NECAB1: variants seen among roughly 807,000 people sequenced by gnomAD.
NECAB1 encodes N-terminal EF-hand calcium-binding protein 1.
NECAB1 carries 29 observed loss-of-function variants against 57.5 expected under a neutral mutation model. That is an observed-to-expected ratio of 0.50 (90% CI 0.38 to 0.69). The LOEUF is 0.69. Among genes scored for constraint, NECAB1 ranks in the 30% least tolerant of loss-of-function variants. The pLI, the probability that NECAB1 is intolerant of heterozygous loss-of-function variation, is 0.00. For synonymous variants in NECAB1, 142 were observed against 147.7 expected, an observed-to-expected ratio of 0.96 and a Z score of 0.28; for missense variants, 372 against 413.8, an observed-to-expected ratio of 0.90 and a Z score of 0.88.
chr8:90,824,615 CG>C (rs1307206223), intron 2 of NECAB1, 101 bp from the exon 3 acceptor site: 1 of 625,050 alleles, frequency 1.6e-6, no homozygotes, highest in Non-Finnish European at 2.7e-6. Flanking sequence ...TTTGAGTACA[CG>C]TGTGTACATG....
intron 6 of NECAB1, among the ~76,000 whole-genome samples, chr8:90,920,185 A>G (rs760289537): frequency 3.3e-5 from 5 of 152,204 alleles, no homozygotes; most frequent in Non-Finnish European, 2.9e-5. Flanking sequence ...GTTGTATGGC[A>G]TTTGACTAAG....
intron 2 of NECAB1, among the ~76,000 whole-genome samples, chr8:90,813,959 T>C (rs1471782581): frequency 6.6e-6 from 1 of 152,250 alleles, no homozygotes; most frequent in African/African-American, 2.4e-5. Context: ...TCTATGTTGA[T>C]AAATTATTTG....
chr8:90,904,721 T>C (rs1404839391), intron 5 of NECAB1, among the ~76,000 whole-genome samples: 1 of 152,070 alleles, frequency 6.6e-6, no homozygotes, highest in East Asian at 1.9e-4. Context: ...AAATTGTATA[T>C]CTATAAACCA....
At chr8:90,840,732 A>G (rs777602441) in intron 3 of NECAB1, among the ~76,000 whole-genome samples, 4 of 152,178 alleles carry the variant, frequency 2.6e-5, no homozygotes, top group Non-Finnish European at 4.4e-5. Flanking sequence ...GTGCAGAACC[A>G]CATAACGCAC....
At chr8:90,811,035 C>T (rs1442340758) in intron 2 of NECAB1, among the ~76,000 whole-genome samples, 2 of 151,826 alleles carry the variant, frequency 1.3e-5, no homozygotes, top group Non-Finnish European at 2.9e-5. Context: ...GCAACCTCCA[C>T]CTCCCAGGTT....
intron 3 of NECAB1, among the ~76,000 whole-genome samples, chr8:90,856,953 C>G (rs1812806050): frequency 1.3e-5 from 2 of 152,290 alleles, no homozygotes; most frequent in South Asian, 4.1e-4. Context: ...CTCTAAAGGT[C>G]TTAAAAGTAG....
At chr8:90,856,944 T>C (rs774987265) in intron 3 of NECAB1, among the ~76,000 whole-genome samples, 2 of 152,162 alleles carry the variant, frequency 1.3e-5, no homozygotes, top group Non-Finnish European at 2.9e-5. Context: ...TTGTCTAATC[T>C]CTAAAGGTCT....
At chr8:90,828,030 C>G (rs940200012) in intron 3 of NECAB1, among the ~76,000 whole-genome samples, 14 of 151,788 alleles carry the variant, frequency 9.2e-5, no homozygotes, top group African/African-American at 3.4e-4. Context: ...TCTAACTCTA[C>G]TGGTTTTTCT....
intron 6 of NECAB1, 59 bp downstream of exon 6, chr8:90,917,687 A>G (rs990327292): frequency 6.7e-7 from 1 of 1,488,200 alleles, no homozygotes; most frequent in Non-Finnish European, 9.0e-7. Context: ...TGAAAAAACA[A>G]TTGAGAGGCA....
intron 10 of NECAB1, 34 bp downstream of exon 10, chr8:90,940,932 G>C: frequency 6.8e-7 from 1 of 1,479,166 alleles, no homozygotes; most frequent in South Asian, 1.2e-5. Context: ...TTAGGCCTTT[G>C]GCAGCCTGGG....
intron 10 of NECAB1, among the ~76,000 whole-genome samples, chr8:90,948,547 T>TCC (rs1810858660): frequency 1.3e-5 from 2 of 152,222 alleles, no homozygotes; most frequent in Admixed American, 6.5e-5. Context: ...ACTGTTAAGT[T>TCC]TACTGGTAAG....
At chr8:90,916,847 CT>C (rs1271349698) in intron 5 of NECAB1, among the ~76,000 whole-genome samples, 1 of 152,150 alleles carries the variant, frequency 6.6e-6, no homozygotes, top group African/African-American at 2.4e-5. Flanking sequence ...GTGAATGCTG[CT>C]TTTGTGGCTC....
chr8:90,821,035 CTTG>C (rs1193860896), intron 2 of NECAB1, among the ~76,000 whole-genome samples: 3 of 151,756 alleles, frequency 2.0e-5, no homozygotes, highest in Non-Finnish European at 2.9e-5. Flanking sequence ...CCTTTTCTTC[CTTG>C]TTGTAGGCAT....
intron 1 of NECAB1, among the ~76,000 whole-genome samples, chr8:90,798,443 C>T (rs1463366770): frequency 2.0e-5 from 3 of 152,120 alleles, no homozygotes; most frequent in Non-Finnish European, 4.4e-5. Context: ...AACTCTTCTC[C>T]CCAACCTCCC....
intron 2 of NECAB1, among the ~76,000 whole-genome samples, chr8:90,821,590 C>G (rs1812144700): frequency 1.3e-5 from 2 of 151,822 alleles, no homozygotes; most frequent in Non-Finnish European, 2.9e-5. Flanking sequence ...TCTTCCTTCA[C>G]TAACCCCTAT....
intron 5 of NECAB1, among the ~76,000 whole-genome samples, chr8:90,915,293 TCA>T (rs1809924545): frequency 6.6e-6 from 1 of 152,132 alleles, no homozygotes; most frequent in Non-Finnish European, 1.5e-5. Context: ...TTTTCTATCA[TCA>T]CATTTTCTTT....
intron 10 of NECAB1, among the ~76,000 whole-genome samples, chr8:90,947,891 G>A (rs1055849587): frequency 6.6e-6 from 1 of 152,096 alleles, no homozygotes; most frequent in Non-Finnish European, 1.5e-5. Context: ...AAAAGCTTTA[G>A]CATTATGCTA....
chr8:90,952,389 T>A (rs1043756822), intron 12 of NECAB1, among the ~76,000 whole-genome samples: 9 of 152,282 alleles, frequency 5.9e-5, no homozygotes, highest in African/African-American at 2.2e-4. Flanking sequence ...GATGCCTTTC[T>A]TTAAGCAGTG....
chr8:90,881,205 T>C (rs1441093220), intron 5 of NECAB1, 75 bp downstream of exon 5: 3 of 971,036 alleles, frequency 3.1e-6, no homozygotes, highest in Non-Finnish European at 4.7e-6. Flanking sequence ...ATCATACCTA[T>C]TTTCAACTAT....
Sources: allele counts gnomAD v4.1 joint callset (sites outside exome capture counted in the v4.1 genomes callset), GRCh38; gene constraint gnomAD v4.1.1; transcripts MANE v1.5; gene names NCBI Gene and HGNC (gene_info 2026-07-23, HGNC 2026-07-21).